Variants in EIF2B3 observed in about 807,000 individuals in gnomAD.
The protein encoded by EIF2B3 is translation initiation factor eIF2B subunit gamma.
Under a neutral mutation model 54.1 loss-of-function variants are expected in EIF2B3, and 20 were observed. That is an observed-to-expected ratio of 0.37 (90% CI 0.26 to 0.54). The LOEUF is 0.54. EIF2B3 is among the 20% of genes least tolerant of loss of function. EIF2B3 has a pLI of 0.86. For missense variants in EIF2B3, 448 were observed against 547.8 expected (o/e 0.82, Z 1.82); for synonymous variants, 153 against 188.1 (o/e 0.81, Z 1.52).
intron 3 of EIF2B3, among the ~76,000 whole-genome samples, chr1:44,976,847 A>G (rs1171190793): frequency 6.6e-6 from 1 of 152,230 alleles, no homozygotes; most frequent in African/African-American, 2.4e-5. Flanking sequence ...AAATTAATAC[A>G]TAGTGATAGA....
chr1:44,877,762 CTA>C (rs993502936), intron 8 of EIF2B3, among the ~76,000 whole-genome samples: 5 of 152,154 alleles, frequency 3.3e-5, no homozygotes, highest in African/African-American at 1.2e-4. Context: ...GTGCGCCTGT[CTA>C]TGATTCTCCA....
At chr1:44,877,527 G>A (rs959089823) in intron 8 of EIF2B3, among the ~76,000 whole-genome samples, 4 of 152,118 alleles carry the variant, frequency 2.6e-5, no homozygotes, top group African/African-American at 9.7e-5. Context: ...AAGCATCCTG[G>A]GTTCCTGGTC....
At chr1:44,951,192 C>T (rs1239071961) in intron 3 of EIF2B3, among the ~76,000 whole-genome samples, 1 of 152,050 alleles carries the variant, frequency 6.6e-6, no homozygotes, top group Non-Finnish European at 1.5e-5. Flanking sequence ...GCACCAACTC[C>T]AAAATCTCAC....
chr1:44,930,639 T>C (rs983814727), intron 4 of EIF2B3, among the ~76,000 whole-genome samples: 2 of 152,150 alleles, frequency 1.3e-5, no homozygotes, highest in Non-Finnish European at 2.9e-5. Flanking sequence ...TCTCCCTATA[T>C]ATTTTTTTTC....
In EIF2B3 at chr1:44,937,883, C is replaced by CAAAAAAAA. The variant is rs34363661; in HGVS notation, c.454+3615_454+3622dup. On this transcript the variant is annotated intron_variant, in intron 4 of 11. Coordinates refer to ENST00000360403, the MANE Select transcript of EIF2B3 (RefSeq NM_020365.5). ...TGGGCGACAGAGCGAGACTCCGTCT[C>CAAAAAAAA]AAAAAAAAAAAAAAAAAAAAAAAAA... Among the ~76,000 whole-genome samples the CAAAAAAAA allele has an allele frequency of 2.1e-4, 7 of 33,558 alleles. 1 individual carries two copies. The highest frequency in any genetic ancestry group is 5.1e-4 in the African/African-American group (5 of 9,716). The allele number at this position is 33,558 out of a possible 152,430, so 22.0% of individuals were successfully genotyped here.
intron 3 of EIF2B3, among the ~76,000 whole-genome samples, chr1:44,962,999 G>A (rs775938673): frequency 6.6e-6 from 1 of 152,046 alleles, no homozygotes; most frequent in African/African-American, 2.4e-5. Flanking sequence ...TTTGGGAGGT[G>A]AGCAGACTGC....
intron 2 of EIF2B3, among the ~76,000 whole-genome samples, chr1:44,979,474 C>CA (rs34452633): frequency 0.29 from 15,783 of 54,696 alleles, 1,657 homozygotes; most frequent in East Asian, 0.54. Context: ...CTGTCTCTGC[C>CA]AAAAAAAAAA....
chr1:44,925,271 G>C (rs1643828838), intron 5 of EIF2B3: 1 of 152,140 alleles, frequency 6.6e-6, no homozygotes. Context: ...ATAGCCAAGA[G>C]GTGGCAGCAA....
At chr1:44,924,814 TTC>T (rs1194179674) in intron 5 of EIF2B3, 1 of 152,228 alleles carries the variant, frequency 6.6e-6, no homozygotes, top group Non-Finnish European at 1.5e-5. Flanking sequence ...AGAAAATTTC[TTC>T]TGTTTCTTGA....
intron 10 of EIF2B3, among the ~76,000 whole-genome samples, chr1:44,873,700 G>A (rs543150051): frequency 6.6e-6 from 1 of 151,912 alleles, no homozygotes; most frequent in East Asian, 1.9e-4. Flanking sequence ...GAGTGCAGTG[G>A]TGCGATCTCA....
At chr1:44,869,285 C>T (rs1373298637) in intron 10 of EIF2B3, among the ~76,000 whole-genome samples, 10 of 152,010 alleles carry the variant, frequency 6.6e-5, no homozygotes, top group African/African-American at 2.4e-4. Flanking sequence ...CGTAACTAAC[C>T]TGGCCAACAT....
intron 3 of EIF2B3, among the ~76,000 whole-genome samples, chr1:44,963,466 T>C (rs185667411): frequency 2.2e-4 from 33 of 152,050 alleles, no homozygotes; most frequent in Non-Finnish European, 4.0e-4. Context: ...GACAGGGTTT[T>C]GCCACGTTGT....
At chr1:44,867,115 G>C (rs1209127329) in intron 10 of EIF2B3, among the ~76,000 whole-genome samples, 2 of 152,130 alleles carry the variant, frequency 1.3e-5, no homozygotes, top group East Asian at 3.8e-4. Flanking sequence ...CTTGCTAACT[G>C]CAAAAAGCAT....
chr1:44,866,951 A>G (rs1478810288), intron 10 of EIF2B3, among the ~76,000 whole-genome samples: 2 of 152,220 alleles, frequency 1.3e-5, no homozygotes, highest in African/African-American at 4.8e-5. Flanking sequence ...CTCCAAAGAG[A>G]GGCAATTCAG....
chr1:44,876,506 C>T (rs1353743321), intron 8 of EIF2B3, among the ~76,000 whole-genome samples: 4 of 105,466 alleles, frequency 3.8e-5, no homozygotes, highest in East Asian at 2.8e-4. Context: ...CCCCTCCGTC[C>T]GGCAGCCACC....
At chr1:44,911,142 A>G (rs1643506676) in intron 5 of EIF2B3, among the ~76,000 whole-genome samples, 1 of 152,240 alleles carries the variant, frequency 6.6e-6, no homozygotes, top group South Asian at 2.1e-4. Context: ...CATAATCAGA[A>G]AGTGCTTGAA....
At chr1:44,946,043 A>C (rs1390171371) in intron 3 of EIF2B3, among the ~76,000 whole-genome samples, 1 of 152,224 alleles carries the variant, frequency 6.6e-6, no homozygotes, top group African/African-American at 2.4e-5. Flanking sequence ...GTGAATGCCA[A>C]ACAAGTCCTG....
intron 4 of EIF2B3, among the ~76,000 whole-genome samples, chr1:44,936,292 C>T (rs1253755479): frequency 6.6e-6 from 1 of 151,642 alleles, no homozygotes; most frequent in Non-Finnish European, 1.5e-5. Flanking sequence ...AGAAAAGTTA[C>T]ATGTGGGCTG....
chr1:44,964,659 A>G (rs1644318683), intron 3 of EIF2B3, among the ~76,000 whole-genome samples: 1 of 152,206 alleles, frequency 6.6e-6, no homozygotes, highest in Admixed American at 6.5e-5. Context: ...TTAAGGAACT[A>G]TACCTCTAAC....
Sources: allele counts gnomAD v4.1 joint callset (sites outside exome capture counted in the v4.1 genomes callset), GRCh38; gene constraint gnomAD v4.1.1; transcripts MANE v1.5; gene names NCBI Gene and HGNC (gene_info 2026-07-23, HGNC 2026-07-21).